The following ZBTB20 variants were observed in gnomAD, a reference collection of about 807,000 sequenced individuals.
ZBTB20 encodes the protein zinc finger and BTB domain-containing protein 20.
ZBTB20 carries 9 observed loss-of-function variants against 56.9 expected under a neutral mutation model. The ratio of observed to expected loss-of-function variants is 0.16; its 90% CI spans 0.10 to 0.28. The LOEUF (loss-of-function observed/expected upper bound fraction) is 0.28. Among genes scored for constraint, ZBTB20 ranks in the 10% least tolerant of loss-of-function variants. The pLI, the probability that ZBTB20 is intolerant of heterozygous loss-of-function variation, is 1.00. For missense variants in ZBTB20, 655 were observed against 1,003.0 expected (o/e 0.65, Z 4.69); for synonymous variants, 417 against 420.7 (o/e 0.99, Z 0.11).
intron 1 of ZBTB20, among the ~76,000 whole-genome samples, chr3:115,132,310 TG>T (rs1309702154): frequency 6.6e-6 from 1 of 152,172 alleles, no homozygotes; most frequent in Non-Finnish European, 1.5e-5. Flanking sequence ...ATTTTCCCAT[TG>T]GGAAAAAAAG....
chr3:114,942,840 G>A (rs1169653519), intron 3 of ZBTB20, among the ~76,000 whole-genome samples: 1 of 145,450 alleles, frequency 6.9e-6, no homozygotes, highest in Non-Finnish European at 1.5e-5. Flanking sequence ...AGAACATTAA[G>A]AAGTCTTGTA....
intron 5 of ZBTB20, among the ~76,000 whole-genome samples, chr3:114,775,541 C>CAA (rs947774850): frequency 7.6e-5 from 9 of 118,774 alleles, no homozygotes; most frequent in Non-Finnish European, 1.5e-4. Context: ...GGGCTTTTGG[C>CAA]AAAAAAAAAA....
At chr3:114,839,469 G>GAAAGAAAGAA (rs1560306957) in intron 4 of ZBTB20, among the ~76,000 whole-genome samples, 21 of 72,558 alleles carry the variant, frequency 2.9e-4, no homozygotes, top group African/African-American at 4.8e-4. Context: ...GAAAGAAAGA[G>GAAAGAAAGAA]AGAGAGAAAG....
At chr3:114,706,271 C>A (rs954280148) in intron 5 of ZBTB20, among the ~76,000 whole-genome samples, 3 of 152,070 alleles carry the variant, frequency 2.0e-5, no homozygotes, top group African/African-American at 4.8e-5. Context: ...AGCACAAAGA[C>A]CCCCTCATAA....
intron 2 of ZBTB20, among the ~76,000 whole-genome samples, chr3:114,975,706 G>A (rs938167302): frequency 3.3e-5 from 5 of 152,156 alleles, no homozygotes. Context: ...TAATGATGAA[G>A]AAATAGGATG....
At chr3:115,044,715 A>G (rs1373310302) in intron 2 of ZBTB20, among the ~76,000 whole-genome samples, 1 of 152,252 alleles carries the variant, frequency 6.6e-6, no homozygotes, top group African/African-American at 2.4e-5. Flanking sequence ...TACCTGAGGT[A>G]GCATTTTGTT....
chr3:115,131,338 T>C (rs1040344090), intron 1 of ZBTB20, among the ~76,000 whole-genome samples: 3 of 152,184 alleles, frequency 2.0e-5, no homozygotes, highest in Non-Finnish European at 4.4e-5. Flanking sequence ...AGGATCTTTG[T>C]AATTATTTTT....
chr3:114,652,679 C>T (rs1209666356), intron 6 of ZBTB20, among the ~76,000 whole-genome samples: 3 of 151,874 alleles, frequency 2.0e-5, no homozygotes, highest in Non-Finnish European at 2.9e-5. Context: ...ATCTCATATA[C>T]ATTTTAAAAT....
chr3:114,766,489 A>ATGTGTGTGTGTGTGTGTG (rs71297433), intron 5 of ZBTB20, among the ~76,000 whole-genome samples: 19 of 138,996 alleles, frequency 1.4e-4, no homozygotes, highest in African/African-American at 2.4e-4. Flanking sequence ...TGGGATGGAA[A>ATGTGTGTGTGTGTGTGTG]TGTGTGTGTG....
intron 1 of ZBTB20, among the ~76,000 whole-genome samples, chr3:115,124,248 GTC>G (rs2084261896): frequency 6.6e-6 from 1 of 152,124 alleles, no homozygotes; most frequent in Non-Finnish European, 1.5e-5. Context: ...TCAACTTAGA[GTC>G]TTAAATATAC....
intron 4 of ZBTB20, among the ~76,000 whole-genome samples, chr3:114,824,354 A>G (rs1474642567): frequency 6.6e-6 from 1 of 152,030 alleles, no homozygotes; most frequent in Non-Finnish European, 1.5e-5. Context: ...CTATCTATCA[A>G]TATAACCAGT....
At chr3:114,978,242 T>C (rs2078185234) in intron 2 of ZBTB20, among the ~76,000 whole-genome samples, 1 of 148,954 alleles carries the variant, frequency 6.7e-6, no homozygotes, top group African/African-American at 2.4e-5. Flanking sequence ...TTTATAAATA[T>C]ATTTAAACAT....
Position 114,351,371 on chromosome 3 carries a change from G to A in ZBTB20, c.707C>T (p.Pro236Leu). Residue 236 changes from proline (P) to leucine (L), a missense_variant, in exon 11 of 12, where the codon CCA becomes CTA. Pro to Leu is a moderately conservative substitution (Grantham distance 98). This residue lies in a region of ZBTB20 where 167 missense variants were observed against 281.9 expected (regional missense o/e 0.59). Coordinates refer to ENST00000675478, the MANE Select transcript of ZBTB20 (RefSeq NM_001348800.3). ...GTAGATCCTGTCCACGCTGTGCTGTGGGTGGCTCTGCAGGTAGCCCGACTC... is the reference window on the plus strand; with the variant it reads ...GTAGATCCTGTCCACGCTGTGCTGTAGGTGGCTCTGCAGGTAGCCCGACTC... ...DTESGYLQSH[P>L]QHSVDRIYSA... 1 of 1,611,496 alleles carries A rather than the reference G, an allele frequency of 6.2e-7. No homozygotes were observed. The highest frequency in any genetic ancestry group is 1.1e-5 in the South Asian group (1 of 91,032).
At chr3:114,756,766 T>A (rs2068038494) in intron 5 of ZBTB20, among the ~76,000 whole-genome samples, 1 of 152,172 alleles carries the variant, frequency 6.6e-6, no homozygotes, top group Non-Finnish European at 1.5e-5. Context: ...AAAACTCAGG[T>A]AATGTGGAAG....
At chr3:114,537,100 C>G (rs1191557063) in intron 6 of ZBTB20, among the ~76,000 whole-genome samples, 1 of 152,146 alleles carries the variant, frequency 6.6e-6, no homozygotes. Flanking sequence ...ATGACTAAAA[C>G]ACCAAAAGCA....
chr3:114,514,238 C>A (rs1042060499), intron 6 of ZBTB20, among the ~76,000 whole-genome samples: 4 of 152,184 alleles, frequency 2.6e-5, no homozygotes, highest in Admixed American at 6.5e-5. Flanking sequence ...TATTGAAATT[C>A]CCCCAAAGCT....
intron 5 of ZBTB20, among the ~76,000 whole-genome samples, chr3:114,737,445 A>G (rs2066260475): frequency 1.3e-5 from 2 of 152,224 alleles, no homozygotes; most frequent in South Asian, 4.1e-4. Context: ...TCAAGACAGC[A>G]TGAACAAACC....
At chr3:114,812,931 C>T (rs1236920738) in intron 4 of ZBTB20, among the ~76,000 whole-genome samples, 1 of 152,138 alleles carries the variant, frequency 6.6e-6, no homozygotes, top group East Asian at 1.9e-4. Flanking sequence ...GCCGGTGGGG[C>T]AGGCCGGCCG....
intron 5 of ZBTB20, among the ~76,000 whole-genome samples, chr3:114,779,827 G>A (rs1175887514): frequency 6.6e-6 from 1 of 152,086 alleles, no homozygotes; most frequent in Non-Finnish European, 1.5e-5. Context: ...TAGTCATAAT[G>A]TTTCTAAGAC....
Sources: gnomAD v4.1 joint callset for allele counts (sites outside exome capture counted in the v4.1 genomes callset) on GRCh38, gnomAD v4.1.1 for gene constraint, gnomAD v4.1.1 regional missense constraint, MANE v1.5 for transcripts, NCBI Gene and HGNC (gene_info 2026-07-23, HGNC 2026-07-21) for gene names.